SLC2A13: variants seen among roughly 807,000 people sequenced by gnomAD.
SLC2A13 encodes the protein solute carrier family 2 member 13.
SLC2A13 carries 32 observed loss-of-function variants against 64.4 expected under a neutral mutation model. That is an observed-to-expected ratio of 0.50 (90% CI 0.37 to 0.67). The LOEUF is 0.67. Ranked by LOEUF, SLC2A13 falls within the 30% of genes least tolerant of loss-of-function variation. The pLI is 0.00. For synonymous variants in SLC2A13, 338 were observed against 327.1 expected, an observed-to-expected ratio of 1.03 and a Z score of -0.36; for missense variants, 743 against 829.2, an observed-to-expected ratio of 0.90 and a Z score of 1.28.
intron 1 of SLC2A13, among the ~76,000 whole-genome samples, chr12:40,096,941 A>G (rs1328383299): frequency 6.6e-6 from 1 of 152,082 alleles, no homozygotes; most frequent in Non-Finnish European, 1.5e-5. Flanking sequence ...ACAATCAAAA[A>G]CTGGATTTAT....
chr12:40,099,776 A>G (rs1939084202), intron 1 of SLC2A13, among the ~76,000 whole-genome samples: 1 of 152,176 alleles, frequency 6.6e-6, no homozygotes, highest in African/African-American at 2.4e-5. Context: ...TGTGTATAAA[A>G]CAAGGAAATA....
At chr12:40,032,758 C>T (rs1947923787) in intron 2 of SLC2A13, among the ~76,000 whole-genome samples, 1 of 152,220 alleles carries the variant, frequency 6.6e-6, no homozygotes, top group Non-Finnish European at 1.5e-5. Context: ...AGCAATCCTG[C>T]TGCTCTCACC....
intron 6 of SLC2A13, among the ~76,000 whole-genome samples, chr12:39,840,024 CTTT>C (rs766180389): frequency 6.6e-6 from 1 of 151,214 alleles, no homozygotes; most frequent in South Asian, 2.1e-4. Context: ...ACTCTCCATT[CTTT>C]TTTTTTGTTT....
intron 1 of SLC2A13, among the ~76,000 whole-genome samples, chr12:40,076,568 G>A (rs916849452): frequency 1.2e-4 from 18 of 152,124 alleles, no homozygotes; most frequent in Non-Finnish European, 1.0e-4. Context: ...TGAACATCTA[G>A]GTTGATTCCA....
chr12:39,898,638 C>T (rs992477460), intron 4 of SLC2A13, among the ~76,000 whole-genome samples: 13 of 152,152 alleles, frequency 8.5e-5, no homozygotes, highest in African/African-American at 2.7e-4. Context: ...TAGCCTGATA[C>T]TCACACTATG....
intron 1 of SLC2A13, among the ~76,000 whole-genome samples, chr12:40,074,168 T>C (rs1412555748): frequency 5.0e-4 from 1 of 2,010 alleles, no homozygotes; most frequent in African/African-American, 2.1e-3. Flanking sequence ...TCAAAGACAT[T>C]TTTTTTTTTT....
At chr12:39,763,558 G>C (rs975808680) in intron 9 of SLC2A13, among the ~76,000 whole-genome samples, 5 of 152,026 alleles carry the variant, frequency 3.3e-5, no homozygotes, top group African/African-American at 1.2e-4. Context: ...ACTAGAGAGA[G>C]CTAAGGGCAG....
At chr12:39,973,876 T>C (rs937417503) in intron 3 of SLC2A13, among the ~76,000 whole-genome samples, 1 of 152,216 alleles carries the variant, frequency 6.6e-6, no homozygotes, top group African/African-American at 2.4e-5. Context: ...TGGTCCATAA[T>C]TTGTATATTT....
Position 39,951,334 on chromosome 12 carries a change from A to G in SLC2A13, c.957T>C (p.Tyr319=), listed in dbSNP as rs750349539. ...CAATTAAAGCTCGGCGAGTTGGGGG[A>G]TAACTCAGCATTCTGCAGATCACAG... is the stretch of plus-strand genomic sequence containing the variant. ...AGPVICRMLS[Y]PPTRRALIVG... Residue 319 remains tyrosine (Y), a synonymous_variant, in exon 4 of 10, where the codon TAT becomes TAC. Coordinates refer to ENST00000280871, the MANE Select transcript of SLC2A13 (RefSeq NM_052885.4). 1.9e-6 allele frequency: 3 copies of G among 1,609,966 alleles called. No homozygotes were observed. Among genetic ancestry groups the G allele is most frequent in the Non-Finnish European group, 2.5e-6 (3 of 1,178,126 alleles).
At chr12:39,862,446 A>T (rs1043777824) in intron 6 of SLC2A13, among the ~76,000 whole-genome samples, 2 of 152,208 alleles carry the variant, frequency 1.3e-5, no homozygotes, top group Non-Finnish European at 2.9e-5. Flanking sequence ...TAGGCACTTA[A>T]CTTTTATTAG....
At chr12:39,860,923 A>G (rs1431269764) in intron 6 of SLC2A13, among the ~76,000 whole-genome samples, 1 of 152,086 alleles carries the variant, frequency 6.6e-6, no homozygotes, top group African/African-American at 2.4e-5. Context: ...GTCAAGGCAC[A>G]CCCCTGCTTA....
intron 4 of SLC2A13, among the ~76,000 whole-genome samples, chr12:39,892,432 G>A (rs1350876374): frequency 6.6e-6 from 1 of 152,172 alleles, no homozygotes; most frequent in Non-Finnish European, 1.5e-5. Flanking sequence ...AGATCTCACT[G>A]GATGAGTGAT....
chr12:39,804,903 G>A (rs1024972555), intron 7 of SLC2A13, among the ~76,000 whole-genome samples: 4 of 152,178 alleles, frequency 2.6e-5, no homozygotes, highest in Non-Finnish European at 1.5e-5. Context: ...AGGGCTCTCA[G>A]GGAAGGCACT....
chr12:39,978,141 G>A (rs1416100874), intron 3 of SLC2A13, among the ~76,000 whole-genome samples: 1 of 152,100 alleles, frequency 6.6e-6, no homozygotes, highest in Non-Finnish European at 1.5e-5. Context: ...AACGTTTTAT[G>A]GCTCAAAAAT....
intron 3 of SLC2A13, among the ~76,000 whole-genome samples, chr12:40,018,358 C>T (rs1947655076): frequency 6.6e-6 from 1 of 152,186 alleles, no homozygotes; most frequent in Non-Finnish European, 1.5e-5. Context: ...GATAATGCAT[C>T]AAAATTAATA....
intron 2 of SLC2A13, among the ~76,000 whole-genome samples, chr12:40,035,852 T>C (rs1592026954): frequency 6.6e-6 from 1 of 152,346 alleles, no homozygotes; most frequent in South Asian, 2.1e-4. Context: ...AAGTAAAATA[T>C]GCTCTGACAG....
chr12:39,907,288 A>C (rs1246977748), intron 4 of SLC2A13, among the ~76,000 whole-genome samples: 1 of 152,154 alleles, frequency 6.6e-6, no homozygotes, highest in East Asian at 1.9e-4. Flanking sequence ...ATGAAAGAGA[A>C]CATATATGTA....
chr12:39,835,937 T>G (rs1193255400), intron 6 of SLC2A13, among the ~76,000 whole-genome samples: 1 of 152,150 alleles, frequency 6.6e-6, no homozygotes, highest in Non-Finnish European at 1.5e-5. Context: ...GCCTGGTTTT[T>G]AAATTGCCAC....
At chr12:39,966,492 A>G (rs1465588445) in intron 3 of SLC2A13, among the ~76,000 whole-genome samples, 3 of 152,178 alleles carry the variant, frequency 2.0e-5, no homozygotes, top group Admixed American at 6.5e-5. Flanking sequence ...ACAGCAGGAA[A>G]CCATAGAAGT....
Sources: gnomAD v4.1 joint callset for allele counts (sites outside exome capture counted in the v4.1 genomes callset) on GRCh38, gnomAD v4.1.1 for gene constraint, MANE v1.5 for transcripts, NCBI Gene and HGNC (gene_info 2026-07-23, HGNC 2026-07-21) for gene names.